TMEM14C: variants seen among roughly 807,000 people sequenced by gnomAD.
TMEM14C encodes chromosome 6 open reading frame 53.
TMEM14C carries 13 observed loss-of-function variants against 14.8 expected under a neutral mutation model. That is an observed-to-expected ratio of 0.88 (90% confidence interval 0.57 to 1.40). The LOEUF is 1.40. Among genes scored for constraint, TMEM14C ranks in the 40% most tolerant of loss-of-function variants. The pLI is 0.00. For synonymous variants in TMEM14C, 57 were observed against 51.3 expected, an observed-to-expected ratio of 1.11 and a Z score of -0.48; for missense variants, 142 against 138.8, an observed-to-expected ratio of 1.02 and a Z score of -0.12.
chr6:10,723,985 A>G (rs961951984), intron 1 of TMEM14C, among the ~76,000 whole-genome samples: 3 of 152,180 alleles, frequency 2.0e-5, no homozygotes, highest in Non-Finnish European at 2.9e-5. Flanking sequence ...CTGTAAGAAA[A>G]TAGAAGCTGT....
At chr6:10,726,256 C>T (rs903333885) in intron 4 of TMEM14C, among the ~76,000 whole-genome samples, 4 of 152,192 alleles carry the variant, frequency 2.6e-5, no homozygotes, top group Admixed American at 2.6e-4. Context: ...TACCCAGTAG[C>T]ATTAAAATTC....
chr6:10,727,265 C>T (rs964899230), intron 4 of TMEM14C, among the ~76,000 whole-genome samples: 1 of 152,056 alleles, frequency 6.6e-6, no homozygotes, highest in African/African-American at 2.4e-5. Context: ...GGCCAGGATC[C>T]TGTCTTGTAT....
chr6:10,724,966 C>T lies in TMEM14C; in HGVS notation c.26C>T (p.Pro9Leu), dbSNP rs377284569. The change falls in exon 3 of 6, where the codon CCT becomes CTT. Residue 9 changes from proline to leucine, a missense_variant. By Grantham distance (98) the Pro-to-Leu change is moderately conservative. Transcript: ENST00000229563. ...TCTCCCTCTTGTGTTTTCAGAGTGC[C>T]TTTGCATTGGTTTGGCTTTGGCTAC... The part of the protein sequence containing the change: MQDTGSVV[P>L]LHWFGFGYAA... 41 of 1,614,096 alleles carry T rather than the reference C, an allele frequency of 2.5e-5. No homozygotes were observed. The highest frequency in any genetic ancestry group is 5.3e-5 in the African/African-American group (4 of 74,924).
Position 10,724,555 on chromosome 6 carries a change from G to C in TMEM14C, c.-44-15G>C. 3 of 1,591,544 alleles carry C rather than the reference G, an allele frequency of 1.9e-6. No individual in the cohort carries two copies. Among genetic ancestry groups the C allele is most frequent in the Non-Finnish European group, 2.6e-6 (3 of 1,161,934 alleles). On this transcript the variant is annotated splice_polypyrimidine_tract_variant and intron_variant, in intron 1 of 5. Coordinates refer to ENST00000229563, the MANE Select transcript of TMEM14C (RefSeq NM_016462.4). ...TGTGCTTTTAACTACCTCTGATCCAGCTTGTTTTCTGCAGGTGCAGGCCTG... is the reference window on the plus strand; with the variant it reads ...TGTGCTTTTAACTACCTCTGATCCACCTTGTTTTCTGCAGGTGCAGGCCTG...
intron 5 of TMEM14C, among the ~76,000 whole-genome samples, chr6:10,729,962 G>A (rs1352903497): frequency 1.3e-5 from 2 of 152,154 alleles, no homozygotes; most frequent in African/African-American, 2.4e-5. Context: ...GCCGGGCATG[G>A]TGGTGCACAC....
chr6:10,730,842 G>A lies in TMEM14C; in HGVS notation c.*176G>A, dbSNP rs1771003448. 2.3e-6 allele frequency: 3 copies of A among 1,314,024 alleles called. No homozygotes were observed. In the African/African-American group the frequency reaches 4.5e-5, roughly 20 times the overall value. The allele number at this position is 1,314,024 out of a possible 1,614,324, so 81.4% of individuals were successfully genotyped here. ...TCAGTCATGATTACAAACCTACAGAGGTGGCGAGTATGTAACACAAGAGCT... is the reference window on the plus strand; with the variant it reads ...TCAGTCATGATTACAAACCTACAGAAGTGGCGAGTATGTAACACAAGAGCT... On this transcript the variant is annotated 3_prime_UTR_variant, in exon 6 of 6. Transcript: ENST00000229563.
At chr6:10,724,321 T>C in intron 1 of TMEM14C, 1 of 374,618 alleles carries the variant, frequency 2.7e-6, no homozygotes, top group Non-Finnish European at 4.8e-6. Context: ...TGGGCCTATG[T>C]GATTAAAACT....
intron 4 of TMEM14C, among the ~76,000 whole-genome samples, chr6:10,726,393 CT>C (rs1358785737): frequency 8.5e-5 from 13 of 152,200 alleles, no homozygotes; most frequent in Admixed American, 8.5e-4. Context: ...AAAATCACCT[CT>C]TTAGCAGTTA....
At chr6:10,723,632 C>T (rs1376573936) in intron 1 of TMEM14C, among the ~76,000 whole-genome samples, 1 of 122,850 alleles carries the variant, frequency 8.1e-6, no homozygotes, top group Non-Finnish European at 1.6e-5. Context: ...GAGGGACTTG[C>T]TCTGTCGCCC....
At position 10,728,622 on chromosome 6, in the gene TMEM14C, TTA is replaced by T. The variant is rs754371426; in HGVS notation, c.200-14_200-13del. ...AGATGTAATGAGTTTTAACACTTCT[TTA>T]TATGTTTTTCATCAGCTACATCTGG... On this transcript the variant is annotated splice_polypyrimidine_tract_variant and intron_variant, in intron 4 of 5. Transcript: ENST00000229563. The T allele has an allele frequency of 4.3e-6, 7 of 1,612,936 alleles. No individual in the cohort carries two copies. The highest frequency in any genetic ancestry group is 5.9e-6 in the Non-Finnish European group (7 of 1,179,458).
chr6:10,730,518 C>G (rs1001112884), intron 5 of TMEM14C, 97 bp from the exon 6 acceptor site: 3 of 1,197,300 alleles, frequency 2.5e-6, no homozygotes, highest in Non-Finnish European at 3.6e-6. Context: ...CCTCCTCCCC[C>G]ACGCAGTTGT....
At chr6:10,725,500 T>C (rs1770830530) in intron 3 of TMEM14C, among the ~76,000 whole-genome samples, 1 of 152,134 alleles carries the variant, frequency 6.6e-6, no homozygotes, top group Non-Finnish European at 1.5e-5. Context: ...ATTCTTCTTC[T>C]CCAGGTCTTT....
At chr6:10,724,934 A>T (rs943418613) in intron 2 of TMEM14C, 27 bp from the exon 3 acceptor site, 3 of 1,613,834 alleles carry the variant, frequency 1.9e-6, no homozygotes, top group Non-Finnish European at 2.5e-6. Flanking sequence ...CCAGGTTAGC[A>T]CTGACTTCTC....
At chr6:10,729,830 G>T (rs1356474415) in intron 5 of TMEM14C, among the ~76,000 whole-genome samples, 2 of 152,100 alleles carry the variant, frequency 1.3e-5, no homozygotes, top group Non-Finnish European at 1.5e-5. Context: ...AGGTGTGGTG[G>T]CTCATGCCTA....
At chr6:10,726,685 C>A (rs1770871994) in intron 4 of TMEM14C, among the ~76,000 whole-genome samples, 2 of 152,098 alleles carry the variant, frequency 1.3e-5, no homozygotes, top group African/African-American at 4.8e-5. Flanking sequence ...AGCAAGACTC[C>A]ATGTCAAAAA....
At chr6:10,729,301 A>ATT (rs1770962503) in intron 5 of TMEM14C, among the ~76,000 whole-genome samples, 1 of 151,698 alleles carries the variant, frequency 6.6e-6, no homozygotes. Flanking sequence ...ATGCCCAGCT[A>ATT]TTTTTGTTGT....
In TMEM14C at chr6:10,725,024, C is replaced by A; in HGVS notation, c.84C>A (p.Gly28=). The A allele has an allele frequency of 6.2e-7, 1 of 1,614,202 alleles. No individual in the cohort carries two copies. Among genetic ancestry groups the A allele is most frequent in the Non-Finnish European group, 8.5e-7 (1 of 1,180,046 alleles). Residue 28 remains glycine, a synonymous_variant, in exon 3 of 6, where the codon GGC becomes GGA. Transcript: ENST00000229563. The part of the protein sequence containing the change: ...AALVASGGII[G]YVKAGSVPSL... ...TGGTTGCTTCTGGTGGGATCATTGG[C>A]TATGTAAAAGCAGGTAGGGTTTTGT...
At chr6:10,724,507 C>G in intron 1 of TMEM14C, 63 bp from the exon 2 acceptor site, 2 of 1,179,504 alleles carry the variant, frequency 1.7e-6, no homozygotes, top group Non-Finnish European at 2.5e-6. Flanking sequence ...GTTGGACACA[C>G]TTCTTTCTGA....
rs1046172 is a variant in TMEM14C, at chr6:10,730,851, T to A, written c.*185T>A. On this transcript the variant is annotated 3_prime_UTR_variant, in exon 6 of 6. Coordinates refer to ENST00000229563, the MANE Select transcript of TMEM14C (RefSeq NM_016462.4). ...ATTACAAACCTACAGAGGTGGCGAG[T>A]ATGTAACACAAGAGCTTAATAAGAC... 7.7e-7 allele frequency: 1 copy of A among 1,297,040 alleles called. No homozygotes were observed. The highest frequency in any genetic ancestry group is 3.3e-5 in the Admixed American group (1 of 30,634). 80.3% of individuals were successfully genotyped at this position (1,297,040 alleles called of 1,614,324 possible). A position where few individuals can be genotyped will look rare whatever the true frequency, so the allele number is the denominator to read the frequency against.
Sources: gnomAD v4.1 joint callset for allele counts (sites outside exome capture counted in the v4.1 genomes callset) on GRCh38, gnomAD v4.1.1 for gene constraint, MANE v1.5 for transcripts, NCBI Gene and HGNC (gene_info 2026-07-23, HGNC 2026-07-21) for gene names.